The following SESTD1 variants were observed in gnomAD, a reference collection of about 807,000 sequenced individuals.
SESTD1 encodes the protein SEC14 domain and spectrin repeat-containing protein 1.
In SESTD1, 43 loss-of-function variants were observed where a neutral mutation model predicts 101.7. The ratio of observed to expected loss-of-function variants is 0.42; its 90% CI spans 0.33 to 0.55. The LOEUF (loss-of-function observed/expected upper bound fraction) is 0.55, where lower values mean the gene tolerates loss of function less well. Among genes scored for constraint, SESTD1 ranks in the 20% least tolerant of loss-of-function variants. The pLI is 0.07. For missense variants in SESTD1, 647 were observed against 815.1 expected (o/e 0.79, Z 2.51); for synonymous variants, 283 against 286.8 (o/e 0.99, Z 0.13).
intron 1 of SESTD1, among the ~76,000 whole-genome samples, chr2:179,246,032 G>A (rs183588240): frequency 9.2e-5 from 14 of 152,122 alleles, no homozygotes; most frequent in Admixed American, 5.2e-4. Context: ...CAAGGCGGGC[G>A]GACCACAAGG....
At position 179,176,450 on chromosome 2, in the gene SESTD1, G is replaced by T; in HGVS notation, c.253C>A (p.Gln85Lys). 1 of 1,612,112 alleles carries T rather than the reference G, an allele frequency of 6.2e-7. No individual in the cohort carries two copies. The highest frequency in any genetic ancestry group is 8.5e-7 in the Non-Finnish European group (1 of 1,178,872). Residue 85 changes from glutamine to lysine, a missense_variant and splice_region_variant, in exon 4 of 18, where the codon CAG becomes AAG. Gln to Lys is a moderately conservative substitution (Grantham distance 53, BLOSUM62 1). Around this residue, in one of 3 missense-constraint regions of SESTD1, gnomAD observed 168 missense variants for 235.1 expected, o/e 0.71. Transcript: ENST00000428443. ...NVVKTVVVML[Q>K]NVVPAEVSLV... The stretch of plus-strand genomic sequence containing the variant: ...CTGATAGACAAAACCAAAATTACCT[G>T]TAGCATTACGACTACTGTTTTCACC...
At chr2:179,240,889 C>A (rs1020855115) in intron 1 of SESTD1, among the ~76,000 whole-genome samples, 2 of 151,934 alleles carry the variant, frequency 1.3e-5, no homozygotes, top group Admixed American at 6.6e-5. Context: ...CCACAAGGGG[C>A]GCTGTTAGAA....
intron 1 of SESTD1, among the ~76,000 whole-genome samples, chr2:179,231,515 CA>C (rs35364699): frequency 1.8e-3 from 264 of 145,294 alleles, no homozygotes; most frequent in South Asian, 0.017. Flanking sequence ...CCTAAATATC[CA>C]AAAAAAAAGA....
Position 179,204,108 on chromosome 2 carries a change from T to C in SESTD1, c.-25-12242A>G, listed in dbSNP as rs533483004. ...TGTGAGAAATATTGTCATTGAAAAGTTTCATATATATATATACACACACAT... is the reference window on the plus strand; with the variant it reads ...TGTGAGAAATATTGTCATTGAAAAGCTTCATATATATATATACACACACAT... On this transcript the variant is annotated intron_variant, in intron 1 of 17. Coordinates refer to ENST00000428443, the MANE Select transcript of SESTD1 (RefSeq NM_178123.5). 5.3e-5 allele frequency among the ~76,000 whole-genome samples: 7 copies of C among 133,160 alleles called. 1 individual carries two copies. The highest frequency in any genetic ancestry group is 2.1e-4 in the African/African-American group (7 of 33,506). 87.4% of individuals were successfully genotyped at this position (133,160 alleles called of 152,430 possible). A position where few individuals can be genotyped will look rare whatever the true frequency, so the allele number is the denominator to read the frequency against.
chr2:179,252,741 G>T (rs1255890844), intron 1 of SESTD1, among the ~76,000 whole-genome samples: 1 of 152,066 alleles, frequency 6.6e-6, no homozygotes, highest in Non-Finnish European at 1.5e-5. Flanking sequence ...ACCACACCTG[G>T]GAGAATCTGG....
chr2:179,186,919 G>A (rs2046241734), intron 2 of SESTD1, among the ~76,000 whole-genome samples: 1 of 151,988 alleles, frequency 6.6e-6, no homozygotes, highest in African/African-American at 2.4e-5. Flanking sequence ...GGCTAACAGT[G>A]GACTTCTCAG....
intron 1 of SESTD1, among the ~76,000 whole-genome samples, chr2:179,220,271 AT>A (rs1244339668): frequency 6.6e-6 from 1 of 152,204 alleles, no homozygotes; most frequent in Admixed American, 6.5e-5. Context: ...GAAGGTCCAG[AT>A]TTAAAGTTCC....
intron 1 of SESTD1, among the ~76,000 whole-genome samples, chr2:179,199,494 C>CA (rs1355770671): frequency 6.6e-6 from 1 of 152,078 alleles, no homozygotes; most frequent in East Asian, 1.9e-4. Context: ...CAGGCAGAGA[C>CA]AAAATCAAAA....
chr2:179,246,454 A>G (rs963204285), intron 1 of SESTD1, among the ~76,000 whole-genome samples: 2 of 152,184 alleles, frequency 1.3e-5, no homozygotes, highest in Admixed American at 6.5e-5. Context: ...ATGCACAGTT[A>G]TAACTGCAGA....
intron 1 of SESTD1, among the ~76,000 whole-genome samples, chr2:179,197,614 G>T: frequency 6.6e-6 from 1 of 152,198 alleles, no homozygotes; most frequent in African/African-American, 2.4e-5. Flanking sequence ...AGATCTCTCT[G>T]CAGAAACTCT....
At chr2:179,171,615 T>C (rs1382440842) in intron 5 of SESTD1, among the ~76,000 whole-genome samples, 1 of 152,160 alleles carries the variant, frequency 6.6e-6, no homozygotes, top group Admixed American at 6.5e-5. Flanking sequence ...TTACATTCCA[T>C]CATAGTGCTT....
At position 179,109,831 on chromosome 2, in the gene SESTD1, G is replaced by A; in HGVS notation, c.*68C>T. ...GTGAAATGCATCTTAAGGTGTGGTG[G>A]CTAATGCTGTAGTATGTTGACAACA... is the stretch of plus-strand genomic sequence containing the variant. On this transcript the variant is annotated 3_prime_UTR_variant, in exon 18 of 18. Transcript: ENST00000428443. The A allele has an allele frequency of 6.4e-7, 1 of 1,566,770 alleles. No individual in the cohort carries two copies. Among genetic ancestry groups the A allele is most frequent in the South Asian group, 1.2e-5 (1 of 85,218 alleles).
At chr2:179,126,387 C>T (rs568241252) in intron 10 of SESTD1, among the ~76,000 whole-genome samples, 1 of 152,264 alleles carries the variant, frequency 6.6e-6, no homozygotes, top group East Asian at 1.9e-4. Flanking sequence ...ATGGCCTTTT[C>T]TCTTGTTTTC....
intron 1 of SESTD1, among the ~76,000 whole-genome samples, chr2:179,196,941 G>C (rs1467544329): frequency 6.6e-6 from 1 of 152,190 alleles, no homozygotes; most frequent in Non-Finnish European, 1.5e-5. Flanking sequence ...AACAACAACG[G>C]AACAAAGCTG....
intron 5 of SESTD1, among the ~76,000 whole-genome samples, chr2:179,154,010 G>T (rs907939718): frequency 1.3e-5 from 2 of 149,778 alleles, no homozygotes. Flanking sequence ...TTGGGAGACC[G>T]AGGCAAGAGG....
At chr2:179,123,566 C>G in intron 12 of SESTD1, 149 bp downstream of exon 12, 1 of 610,088 alleles carries the variant, frequency 1.6e-6, no homozygotes, top group Non-Finnish European at 2.8e-6. Context: ...TATAACCCCT[C>G]AAGGGAATAA....
Position 179,116,795 on chromosome 2 carries a change from A to G in SESTD1, c.1525-5T>C, listed in dbSNP as rs769666824. 3 of 1,611,944 alleles carry G rather than the reference A, an allele frequency of 1.9e-6. No homozygotes were observed. Among genetic ancestry groups the G allele is most frequent in the African/African-American group, 2.7e-5 (2 of 74,894 alleles). On this transcript the variant is annotated splice_region_variant and splice_polypyrimidine_tract_variant and intron_variant, in intron 14 of 17. Transcript: ENST00000428443. ...TTCACTTAGCCATTCTACTGCCTAAACAAAAAGACATAACAATGAAGCTGG... is the reference window on the plus strand; with the variant it reads ...TTCACTTAGCCATTCTACTGCCTAAGCAAAAAGACATAACAATGAAGCTGG...
At chr2:179,177,964 A>G (rs2046040108) in intron 3 of SESTD1, among the ~76,000 whole-genome samples, 1 of 152,228 alleles carries the variant, frequency 6.6e-6, no homozygotes, top group African/African-American at 2.4e-5. Context: ...CACACACTGA[A>G]TGATTCCATT....
intron 10 of SESTD1, among the ~76,000 whole-genome samples, chr2:179,131,560 T>A (rs1046296427): frequency 1.3e-5 from 2 of 152,150 alleles, no homozygotes; most frequent in African/African-American, 4.8e-5. Flanking sequence ...GTATTTAATC[T>A]ATTTTAAATT....
Sources: gnomAD v4.1 joint callset for allele counts (sites outside exome capture counted in the v4.1 genomes callset) on GRCh38, gnomAD v4.1.1 for gene constraint, gnomAD v4.1.1 regional missense constraint, MANE v1.5 for transcripts, NCBI Gene and HGNC (gene_info 2026-07-23, HGNC 2026-07-21) for gene names.